Variants in GLYR1 observed in about 807,000 individuals in gnomAD.
GLYR1 encodes glyoxylate reductase 1 homolog, also known as cytokine-like nuclear factor N-PAC.
Under a neutral mutation model 72.7 loss-of-function variants are expected in GLYR1, and 21 were observed. That is an observed-to-expected ratio of 0.29 (90% CI 0.20 to 0.42). GLYR1 has a LOEUF of 0.42. GLYR1 is among the 10% of genes least tolerant of loss of function. The pLI is 1.00. For synonymous variants in GLYR1, 392 were observed against 270.2 expected (o/e 1.45, Z -4.42); for missense variants, 594 against 712.1 (o/e 0.83, Z 1.89).
At chr16:4,814,931 C>G (rs796285613) in intron 10 of GLYR1, among the ~76,000 whole-genome samples, 5 of 152,266 alleles carry the variant, frequency 3.3e-5, no homozygotes, top group African/African-American at 1.2e-4. Flanking sequence ...ACAGTAGCAC[C>G]TCTCCCCAGC....
intron 3 of GLYR1, chr16:4,839,468 G>A (rs991144839): frequency 6.6e-6 from 1 of 152,182 alleles, no homozygotes; most frequent in Non-Finnish European, 1.5e-5. Flanking sequence ...CTGTCAGAGA[G>A]GGACCCTCGT....
At chr16:4,830,241 T>TA (rs2084705718) in intron 5 of GLYR1, among the ~76,000 whole-genome samples, 1 of 146,946 alleles carries the variant, frequency 6.8e-6, no homozygotes, top group Non-Finnish European at 1.5e-5. Context: ...TTTTTTTTTT[T>TA]AAGGGAAAGG....
At position 4,837,699 on chromosome 16, in the gene GLYR1, T is replaced by C. The variant is rs140412050; in HGVS notation, c.156-4787A>G. 7.4e-3 allele frequency among the ~76,000 whole-genome samples: 1,119 copies of C among 151,822 alleles called. 17 individuals carry two copies. Among genetic ancestry groups the C allele is most frequent in the African/African-American group, 0.025 (1,042 of 41,418 alleles). Reference sequence around the variant, plus strand: ...GCACGGTAGCTCACGCCTATAATCCTAGCACTTTGGGAGGCCGAGGTCAAG... The same window carrying C: ...GCACGGTAGCTCACGCCTATAATCCCAGCACTTTGGGAGGCCGAGGTCAAG... On this transcript the variant is annotated intron_variant, in intron 3 of 15. Transcript: ENST00000321919.
At chr16:4,813,706 G>A (rs760965078) in intron 12 of GLYR1, 31 bp downstream of exon 12, 1 of 1,540,378 alleles carries the variant, frequency 6.5e-7, no homozygotes, top group South Asian at 1.2e-5. Flanking sequence ...TAGAAAAGAT[G>A]CTGGAGAGCC....
intron 11 of GLYR1, among the ~76,000 whole-genome samples, 200 bp downstream of exon 11, chr16:4,814,337 T>G (rs1479590837): frequency 6.6e-6 from 1 of 152,238 alleles, no homozygotes. Context: ...GCCCTAGTAG[T>G]GTTCATTCTT....
intron 3 of GLYR1, among the ~76,000 whole-genome samples, chr16:4,835,486 G>C (rs978899620): frequency 6.6e-6 from 1 of 152,236 alleles, no homozygotes; most frequent in South Asian, 2.1e-4. Flanking sequence ...TCTATTTAAG[G>C]AATCAACTTA....
At chr16:4,837,714 C>T (rs1349242704) in intron 3 of GLYR1, among the ~76,000 whole-genome samples, 1 of 151,642 alleles carries the variant, frequency 6.6e-6, no homozygotes, top group African/African-American at 2.4e-5. Context: ...CTTTGGGAGG[C>T]CGAGGTCAAG....
At chr16:4,837,467 G>A (rs1275491433) in intron 3 of GLYR1, among the ~76,000 whole-genome samples, 3 of 151,816 alleles carry the variant, frequency 2.0e-5, no homozygotes, top group African/African-American at 7.3e-5. Flanking sequence ...TGTAGATACT[G>A]TATATTAAAG....
rs375088153 is a variant in GLYR1, at chr16:4,811,221, C to G, written c.1536G>C (p.Ala512=). 3.8e-5 allele frequency: 61 copies of G among 1,614,058 alleles called. No homozygotes were observed. The highest frequency in any genetic ancestry group is 4.4e-5 in the Non-Finnish European group (52 of 1,180,030). The change falls in exon 15 of 16, where the codon GCG becomes GCC. Residue 512 remains alanine, a synonymous_variant. Coordinates refer to ENST00000321919, the MANE Select transcript of GLYR1 (RefSeq NM_032569.4). The part of the protein sequence containing the change: ...YIQKDLRLAI[A]LGDAVNHPTP... ...TCGGATGGTTGACCGCATCACCCAG[C>G]GCAATGGCTAAGCGGAGATCCTTCT...
rs760217822 is a variant in GLYR1 at position 4,847,287 on chromosome 16, A to G, written c.-22T>C. ...CCATCTTACCACCCAACCACCGCCG[A>G]CGCACGGGCCGCCGGGAACAGCAAG... On this transcript the variant is annotated 5_prime_UTR_variant, in exon 1 of 16. Transcript: ENST00000321919. 1.1e-5 allele frequency: 18 copies of G among 1,609,276 alleles called. No individual in the cohort carries two copies. The African/African-American group carries it at 1.2e-4, about 11-fold the overall frequency.
intron 15 of GLYR1, among the ~76,000 whole-genome samples, chr16:4,807,670 C>G (rs924180301): frequency 6.6e-6 from 1 of 152,186 alleles, no homozygotes; most frequent in Admixed American, 6.5e-5. Flanking sequence ...TGCTTCCAAG[C>G]CAATGAATCC....
chr16:4,820,456 G>A (rs1017174452), intron 9 of GLYR1, among the ~76,000 whole-genome samples: 6 of 152,126 alleles, frequency 3.9e-5, no homozygotes, highest in African/African-American at 1.2e-4. Flanking sequence ...TAAATGTGTT[G>A]GGTAAAAACA....
intron 5 of GLYR1, among the ~76,000 whole-genome samples, chr16:4,825,971 C>A (rs982168061): frequency 4.6e-5 from 7 of 152,140 alleles, no homozygotes; most frequent in Non-Finnish European, 4.4e-5. Flanking sequence ...TCTTCTTTTA[C>A]AGAATAGAAA....
intron 3 of GLYR1, among the ~76,000 whole-genome samples, chr16:4,833,641 C>G (rs955329276): frequency 1.2e-4 from 16 of 133,176 alleles, no homozygotes; most frequent in Admixed American, 7.6e-5. Context: ...TTTATGATGT[C>G]TCAAAAAAAA....
chr16:4,837,444 AG>A (rs1396440813), intron 3 of GLYR1, among the ~76,000 whole-genome samples: 1 of 151,960 alleles, frequency 6.6e-6, no homozygotes, highest in Non-Finnish European at 1.5e-5. Flanking sequence ...AAAAAAAAAA[AG>A]AAAATCATAC....
rs150672343 is a variant in GLYR1, at chr16:4,846,041, G to T, written c.75+133C>A. On this transcript the variant is annotated intron_variant, in intron 2 of 15. Coordinates refer to ENST00000321919, the MANE Select transcript of GLYR1 (RefSeq NM_032569.4). Reference sequence around the variant, plus strand: ...TTTTAAAAAATAACCGATACTAGGGGAAAAAAAATTCTAAGTGCCATCTGA... The same window carrying T: ...TTTTAAAAAATAACCGATACTAGGGTAAAAAAAATTCTAAGTGCCATCTGA... 179 of 915,080 alleles carry T rather than the reference G, an allele frequency of 2.0e-4. No individual in the cohort carries two copies. The African/African-American group carries it at 2.7e-3, about 14-fold the overall frequency. The allele number at this position is 915,080 out of a possible 1,614,324, so 56.7% of individuals were successfully genotyped here. A position where few individuals can be genotyped will look rare whatever the true frequency, so the allele number is the denominator to read the frequency against.
chr16:4,819,946 C>T (rs1262654890), intron 9 of GLYR1, among the ~76,000 whole-genome samples: 1 of 152,086 alleles, frequency 6.6e-6, no homozygotes, highest in Non-Finnish European at 1.5e-5. Context: ...TCATGACAGG[C>T]GAATTCCCTT....
In GLYR1 at chr16:4,817,437, T is replaced by C. The variant is rs540520944; in HGVS notation, c.906+161A>G. Among the ~76,000 whole-genome samples the C allele has an allele frequency of 1.8e-4, 28 of 152,202 alleles. No homozygotes were observed. The South Asian group carries it at 5.6e-3, about 30-fold the overall frequency. On this transcript the variant is annotated intron_variant, in intron 10 of 15. Transcript: ENST00000321919. ...CCAGGCAAATGTTTAGGTTTTATAA[T>C]AACATCCTAAGTTTAGGCATCTACA...
rs1314067831 is a variant in GLYR1, at chr16:4,847,272, A to C, written c.-7T>G. 1 of 1,607,912 alleles carries C rather than the reference A, an allele frequency of 6.2e-7. No homozygotes were observed. The highest frequency in any genetic ancestry group is 8.5e-7 in the Non-Finnish European group (1 of 1,178,288). ...GCAGACTCACAGCCGCCATCTTACC[A>C]CCCAACCACCGCCGACGCACGGGCC... is the stretch of plus-strand genomic sequence containing the variant. On this transcript the variant is annotated 5_prime_UTR_variant, in exon 1 of 16. Coordinates refer to ENST00000321919, the MANE Select transcript of GLYR1 (RefSeq NM_032569.4).
Sources: allele counts gnomAD v4.1 joint callset (sites outside exome capture counted in the v4.1 genomes callset), GRCh38; gene constraint gnomAD v4.1.1; transcripts MANE v1.5; gene names NCBI Gene and HGNC (gene_info 2026-07-23, HGNC 2026-07-21).